The following KLHDC8A variants were observed in gnomAD, a reference collection of about 807,000 sequenced individuals.
The protein encoded by KLHDC8A is kelch domain-containing protein 8A.
Under a neutral mutation model 33.1 loss-of-function variants are expected in KLHDC8A, and 21 were observed. That is an observed-to-expected ratio of 0.64 (90% confidence interval 0.45 to 0.91). The LOEUF (loss-of-function observed/expected upper bound fraction) is 0.91. Among genes scored for constraint, KLHDC8A ranks in the 40% least tolerant of loss-of-function variants. KLHDC8A has a pLI of 0.00. For missense variants in KLHDC8A, 435 were observed against 483.3 expected (o/e 0.90, Z 0.94); for synonymous variants, 173 against 193.5 (o/e 0.89, Z 0.88).
At chr1:205,340,264 C>T (rs1472428688) in intron 2 of KLHDC8A, among the ~76,000 whole-genome samples, 1 of 151,902 alleles carries the variant, frequency 6.6e-6, no homozygotes, top group Non-Finnish European at 1.5e-5. Flanking sequence ...ATCCTCTTGC[C>T]TCGACCTTCC....
At chr1:205,355,145 G>A (rs1176110191) in intron 1 of KLHDC8A, among the ~76,000 whole-genome samples, 33 of 152,142 alleles carry the variant, frequency 2.2e-4, no homozygotes, top group Non-Finnish European at 2.4e-4. Context: ...TTATTCCAGT[G>A]TTCACAGTGT....
intron 1 of KLHDC8A, chr1:205,351,602 C>CTAAAA: frequency 9.7e-6 from 1 of 103,556 alleles, no homozygotes; most frequent in South Asian, 1.5e-4. Context: ...CTGTAATAGT[C>CTAAAA]AAAAAAAAAA....
chr1:205,355,792 C>T (rs1344933937), intron 1 of KLHDC8A, among the ~76,000 whole-genome samples: 2 of 152,184 alleles, frequency 1.3e-5, no homozygotes, highest in Non-Finnish European at 2.9e-5. Context: ...AATCCCCATA[C>T]CTGTCTATGT....
chr1:205,339,802 C>T lies in KLHDC8A; in HGVS notation c.383G>A (p.Arg128Gln), dbSNP rs1327258142. 7 of 1,613,498 alleles carry T rather than the reference C, an allele frequency of 4.3e-6. No individual in the cohort carries two copies. Among genetic ancestry groups the T allele is most frequent in the Non-Finnish European group, 5.1e-6 (6 of 1,179,776 alleles). Residue 128 changes from arginine (R) to glutamine (Q), a missense_variant, in exon 3 of 6, where the codon CGA (arginine) becomes CAA (glutamine). By Grantham distance (43) the Arg-to-Gln change is conservative. Transcript: ENST00000367155. The surrounding 1 kb of genome is among the most constrained non-coding windows in gnomAD (Gnocchi z 5.1). ...MGISVTAKDY[R>Q]VYAAGGMGLD... ...GCCCATCCCGCCTGCCGCATATACT[C>T]GGTAATCTAAGAAGAAAGGCCATAC...
At chr1:205,341,376 A>T (rs1057493374) in intron 2 of KLHDC8A, among the ~76,000 whole-genome samples, 2 of 151,932 alleles carry the variant, frequency 1.3e-5, no homozygotes, top group African/African-American at 4.8e-5. Context: ...AAAAAATGCC[A>T]ACCCTAGCCT....
chr1:205,352,117 C>T (rs918997017), intron 1 of KLHDC8A, among the ~76,000 whole-genome samples: 11 of 152,120 alleles, frequency 7.2e-5, no homozygotes, highest in African/African-American at 1.4e-4. Context: ...TCCAGAGAGC[C>T]GGGAAGTGAC....
At chr1:205,349,152 GTAT>G (rs1663026184) in intron 1 of KLHDC8A, among the ~76,000 whole-genome samples, 1 of 152,212 alleles carries the variant, frequency 6.6e-6, no homozygotes, top group Non-Finnish European at 1.5e-5. Flanking sequence ...ATGGGAGATG[GTAT>G]GACACAGTTG....
chr1:205,338,501 C>A lies in KLHDC8A; in HGVS notation c.853G>T (p.Gly285Ter). 6.2e-7 allele frequency: 1 copy of A among 1,612,738 alleles called. No homozygotes were observed. The highest frequency in any genetic ancestry group is 1.1e-5 in the South Asian group (1 of 91,048). ...SLSGRVIVAG[G>*]LGNQPTVLET... ...GTGAAAGCGCCATCCTTACCAAGTC[C>A]CCCAGCCACTATGACCCGTCCACTC... The change falls in exon 5 of 6, where the codon GGA (glycine) becomes TGA (stop). Residue 285 changes from glycine to a stop codon, truncating the protein, a stop_gained. Coordinates refer to ENST00000367155, the MANE Select transcript of KLHDC8A (RefSeq NM_018203.3). LOFTEE classifies it high-confidence loss of function.
chr1:205,356,152 GGTTT>G, intron 1 of KLHDC8A, among the ~76,000 whole-genome samples: 1 of 150,502 alleles, frequency 6.6e-6, no homozygotes, highest in South Asian at 2.1e-4. Context: ...CTGCATCCAG[GGTTT>G]ACCTCCCACG....
chr1:205,345,140 C>G (rs1053295295), intron 1 of KLHDC8A, among the ~76,000 whole-genome samples: 1 of 152,192 alleles, frequency 6.6e-6, no homozygotes, highest in Admixed American at 6.5e-5. Context: ...GATCTTCCTC[C>G]TACCTGGTTC....
intron 1 of KLHDC8A, chr1:205,344,586 G>GT (rs1662895640): frequency 6.6e-6 from 1 of 152,242 alleles, no homozygotes; most frequent in South Asian, 2.1e-4. Context: ...CAATTACCCA[G>GT]TTTATCTACA....
intron 1 of KLHDC8A, among the ~76,000 whole-genome samples, chr1:205,347,456 GT>G (rs1363815500): frequency 6.6e-6 from 1 of 152,176 alleles, no homozygotes; most frequent in African/African-American, 2.4e-5. Flanking sequence ...GTGGTGGCTT[GT>G]GCCTGTCATC....
chr1:205,352,027 G>C (rs1003574218), intron 1 of KLHDC8A, among the ~76,000 whole-genome samples: 2 of 152,196 alleles, frequency 1.3e-5, no homozygotes, highest in Non-Finnish European at 2.9e-5. Context: ...AAGGCTGTGG[G>C]CCCTTTATGG....
At position 205,337,339 on chromosome 1, in the gene KLHDC8A, T is replaced by C. The variant is rs1662659762; in HGVS notation, c.*60A>G. On this transcript the variant is annotated 3_prime_UTR_variant, in exon 6 of 6. Transcript: ENST00000367155. ...AGCCCCGACTGCTTGGACAAGATCA[T>C]TCCTCATGTTAAGAGTGAAGTGATA... is the stretch of plus-strand genomic sequence containing the variant. 7.3e-7 allele frequency: 1 copy of C among 1,373,440 alleles called. No homozygotes were observed. Among genetic ancestry groups the C allele is most frequent in the South Asian group, 1.2e-5 (1 of 85,912 alleles). 85.1% of individuals were successfully genotyped at this position (1,373,440 alleles called of 1,614,324 possible).
chr1:205,337,078 T>G lies in KLHDC8A; in HGVS notation c.*321A>C. On this transcript the variant is annotated 3_prime_UTR_variant, in exon 6 of 6. Coordinates refer to ENST00000367155, the MANE Select transcript of KLHDC8A (RefSeq NM_018203.3). ...AACTGCTCTACCTGCCTCCTGGAGATGGGGGTGGGGGGAGGTGGGACTCAC... is the reference window on the plus strand; with the variant it reads ...AACTGCTCTACCTGCCTCCTGGAGAGGGGGGTGGGGGGAGGTGGGACTCAC... 10 of 331,298 alleles carry G rather than the reference T, an allele frequency of 3.0e-5. No homozygotes were observed. Among genetic ancestry groups the G allele is most frequent in the East Asian group, 8.1e-5 (1 of 12,352 alleles). 20.5% of individuals were successfully genotyped at this position (331,298 alleles called of 1,614,324 possible).
chr1:205,345,485 C>G (rs1242500176), intron 1 of KLHDC8A, among the ~76,000 whole-genome samples: 2 of 152,122 alleles, frequency 1.3e-5, no homozygotes, highest in Non-Finnish European at 2.9e-5. Flanking sequence ...TACTTGTAAT[C>G]CAGGCACTTT....
At chr1:205,352,206 C>T (rs2102300771) in intron 1 of KLHDC8A, among the ~76,000 whole-genome samples, 1 of 152,282 alleles carries the variant, frequency 6.6e-6, no homozygotes, top group Non-Finnish European at 1.5e-5. Context: ...CATCCCATGC[C>T]TCTACTCACT....
intron 1 of KLHDC8A, among the ~76,000 whole-genome samples, 173 bp downstream of exon 1, chr1:205,356,360 A>C (rs1191534251): frequency 6.6e-6 from 1 of 151,996 alleles, no homozygotes; most frequent in Non-Finnish European, 1.5e-5. Flanking sequence ...AAAGCTAGAG[A>C]GGCCCAGCTG....
intron 1 of KLHDC8A, among the ~76,000 whole-genome samples, chr1:205,347,801 G>A (rs1310060892): frequency 6.6e-6 from 1 of 152,172 alleles, no homozygotes; most frequent in Non-Finnish European, 1.5e-5. Flanking sequence ...AGTCATAAAA[G>A]CCTCTAAAGA....
Sources: gnomAD v4.1 joint callset for allele counts (sites outside exome capture counted in the v4.1 genomes callset) on GRCh38, gnomAD v4.1.1 for gene constraint, Gnocchi (gnomAD v3.1) non-coding constraint, MANE v1.5 for transcripts, NCBI Gene and HGNC (gene_info 2026-07-23, HGNC 2026-07-21) for gene names.